Variants in PRELID2 observed in about 807,000 individuals in gnomAD.
PRELID2 encodes PRELI domain containing 2.
PRELID2 carries 25 observed loss-of-function variants against 28.4 expected under a neutral mutation model. The ratio of observed to expected loss-of-function variants is 0.88; its 90% CI spans 0.64 to 1.23. The LOEUF (loss-of-function observed/expected upper bound fraction) is 1.23, where lower values mean the gene tolerates loss of function less well. PRELID2 is among the 50% of genes most tolerant of loss of function. The pLI is 0.00. For missense variants in PRELID2, 201 were observed against 214.4 expected (o/e 0.94, Z 0.39); for synonymous variants, 76 against 71.6 (o/e 1.06, Z -0.31).
chr5:145,814,711 CA>C (rs374107434), intron 4 of PRELID2, among the ~76,000 whole-genome samples: 3,389 of 150,110 alleles, frequency 0.023, 111 homozygotes, highest in African/African-American at 0.073. Flanking sequence ...AGAATAATAA[CA>C]AAAAAAAACA....
chr5:145,800,236 T>A (rs936145673), intron 4 of PRELID2, among the ~76,000 whole-genome samples: 1 of 151,130 alleles, frequency 6.6e-6, no homozygotes, highest in Non-Finnish European at 1.5e-5. Flanking sequence ...AGATCATGCA[T>A]ACAATAAAAG....
chr5:145,393,092 T>G, the PRELID2 span, among the ~76,000 whole-genome samples: 1 of 152,190 alleles, frequency 6.6e-6, no homozygotes, highest in Non-Finnish European at 1.5e-5. Flanking sequence ...TATGTGAGAT[T>G]AATGTGTAGT....
At chr5:145,279,784 T>G in the PRELID2 span, among the ~76,000 whole-genome samples, 1 of 152,028 alleles carries the variant, frequency 6.6e-6, no homozygotes, top group East Asian at 1.9e-4. Flanking sequence ...GACATATTCT[T>G]GAATTAAAGA....
At chr5:145,569,361 C>T (rs1280345891) in intron 1 of PRELID2, among the ~76,000 whole-genome samples, 1 of 152,134 alleles carries the variant, frequency 6.6e-6, no homozygotes, top group Admixed American at 6.5e-5. Flanking sequence ...TGGGTGGATC[C>T]AGCCCTTAAT....
intron 1 of PRELID2, among the ~76,000 whole-genome samples, chr5:145,522,563 C>T (rs1001834334): frequency 2.6e-5 from 4 of 152,194 alleles, no homozygotes; most frequent in South Asian, 2.1e-4. Context: ...CAAATGATGG[C>T]GTGTATGCCA....
intron 1 of PRELID2, among the ~76,000 whole-genome samples, chr5:145,689,340 A>G (rs1209363647): frequency 6.6e-6 from 1 of 152,144 alleles, no homozygotes; most frequent in Non-Finnish European, 1.5e-5. Context: ...TGCTGCTACT[A>G]GAAGCAAGTG....
At chr5:145,543,070 C>T (rs1436049207) in intron 1 of PRELID2, among the ~76,000 whole-genome samples, 1 of 152,036 alleles carries the variant, frequency 6.6e-6, no homozygotes, top group Non-Finnish European at 1.5e-5. Flanking sequence ...CATTGTTGAC[C>T]TCCTCAGGGA....
At chr5:145,402,117 C>T in the PRELID2 span, among the ~76,000 whole-genome samples, 3 of 152,306 alleles carry the variant, frequency 2.0e-5, no homozygotes, top group Non-Finnish European at 4.4e-5. Context: ...ATCATTTTCA[C>T]ATGCTTTATT....
At chr5:145,231,332 G>C in the PRELID2 span, among the ~76,000 whole-genome samples, 10 of 152,100 alleles carry the variant, frequency 6.6e-5, no homozygotes, top group African/African-American at 2.2e-4. Context: ...TGGTTTGTGA[G>C]ATTTTGCTGC....
intron 1 of PRELID2, among the ~76,000 whole-genome samples, chr5:145,659,841 T>C (rs1404171414): frequency 6.6e-6 from 1 of 152,206 alleles, no homozygotes; most frequent in Non-Finnish European, 1.5e-5. Context: ...AATTGAATAC[T>C]TACAATTTTT....
At chr5:145,469,152 G>C (rs1752029712), downstream of PRELID2, among the ~76,000 whole-genome samples, 1 of 152,056 alleles carries the variant, frequency 6.6e-6, no homozygotes, top group Non-Finnish European at 1.5e-5. Context: ...AAGCTTTCAA[G>C]TTCACCATTA....
chr5:145,596,438 C>T lies in PRELID2; in HGVS notation n.71-123123G>A, dbSNP rs79844245. ...AGCTTAGGGGAGTGGTTCTACTAGA[C>T]GAAAAATCAGCCAAAACATTGGGTG... is the stretch of plus-strand genomic sequence containing the variant. On this transcript the variant is annotated intron_variant and non_coding_transcript_variant, in intron 1 of 2. Transcript: ENST00000510259. Among the ~76,000 whole-genome samples, 293 of 152,122 alleles carry T rather than the reference C, an allele frequency of 1.9e-3. 2 individuals carry two copies. Among genetic ancestry groups the T allele is most frequent in the African/African-American group, 6.4e-3 (267 of 41,550 alleles).
At chr5:145,372,101 C>A in the PRELID2 span, among the ~76,000 whole-genome samples, 1 of 151,988 alleles carries the variant, frequency 6.6e-6, no homozygotes, top group African/African-American at 2.4e-5. Context: ...AAATTTACCT[C>A]TTAACACTGC....
the PRELID2 span, among the ~76,000 whole-genome samples, chr5:145,280,372 TAAA>T: frequency 6.6e-6 from 1 of 152,150 alleles, no homozygotes; most frequent in African/African-American, 2.4e-5. Context: ...CTCATGTTGT[TAAA>T]AAGAAATACA....
chr5:145,825,920 T>G (rs1193372242), intron 1 of PRELID2: 1 of 620,690 alleles, frequency 1.6e-6, no homozygotes, highest in African/African-American at 2.0e-5. Context: ...TTTTAATTCA[T>G]GAAAATTTAC....
chr5:145,612,477 A>G (rs1753630869), intron 1 of PRELID2, among the ~76,000 whole-genome samples: 1 of 152,172 alleles, frequency 6.6e-6, no homozygotes, highest in Admixed American at 6.5e-5. Flanking sequence ...TTATTTTTCC[A>G]TAGGTTATTG....
chr5:145,637,810 C>A (rs962752988), intron 1 of PRELID2, among the ~76,000 whole-genome samples: 1 of 130,746 alleles, frequency 7.6e-6, no homozygotes. Flanking sequence ...CAAAACCATT[C>A]TTTTTTTTTT....
the PRELID2 span, among the ~76,000 whole-genome samples, chr5:145,443,687 AC>A: frequency 6.6e-6 from 1 of 152,162 alleles, no homozygotes; most frequent in South Asian, 2.1e-4. Flanking sequence ...GTGCTTGAAA[AC>A]AAATTCCCTC....
chr5:145,553,753 A>G (rs577806983), intron 1 of PRELID2, among the ~76,000 whole-genome samples: 1 of 152,330 alleles, frequency 6.6e-6, no homozygotes, highest in South Asian at 2.1e-4. Context: ...AAAGGTTTTA[A>G]ATAGACATGA....
Sources: allele counts gnomAD v4.1 joint callset (sites outside exome capture counted in the v4.1 genomes callset), GRCh38; gene constraint gnomAD v4.1.1; transcripts MANE v1.5; gene names NCBI Gene and HGNC (gene_info 2026-07-23, HGNC 2026-07-21).